Variants in KCNN2 observed in about 807,000 individuals in gnomAD.
KCNN2 encodes the protein small conductance calcium-activated potassium channel protein 2.
Under a neutral mutation model 55.5 loss-of-function variants are expected in KCNN2, and 24 were observed. That is an observed-to-expected ratio of 0.43 (90% CI 0.31 to 0.61). The LOEUF (loss-of-function observed/expected upper bound fraction) is 0.61. Among genes scored for constraint, KCNN2 ranks in the 20% least tolerant of loss-of-function variants. KCNN2 has a pLI of 0.08. For synonymous variants in KCNN2, 431 were observed against 336.1 expected (o/e 1.28, Z -3.09); for missense variants, 754 against 853.6 (o/e 0.88, Z 1.45).
chr5:114,162,073 G>T (rs1043394337), intron 1 of KCNN2, among the ~76,000 whole-genome samples: 1 of 152,174 alleles, frequency 6.6e-6, no homozygotes, highest in Non-Finnish European at 1.5e-5. Flanking sequence ...AGGAGGAGGG[G>T]TGCTCTGATT....
chr5:114,217,592 C>A (rs1482098713), intron 1 of KCNN2, among the ~76,000 whole-genome samples: 1 of 151,968 alleles, frequency 6.6e-6, no homozygotes, highest in Non-Finnish European at 1.5e-5. Flanking sequence ...TATGGTTTAC[C>A]TAAATTAACT....
chr5:114,100,279 G>T (rs1041878633), intron 1 of KCNN2, among the ~76,000 whole-genome samples: 1 of 152,054 alleles, frequency 6.6e-6, no homozygotes, highest in Admixed American at 6.6e-5. Flanking sequence ...AAAAATAGTA[G>T]TCCAGGTAGA....
chr5:114,456,256 A>G (rs1760922498), intron 3 of KCNN2, among the ~76,000 whole-genome samples: 2 of 152,200 alleles, frequency 1.3e-5, no homozygotes, highest in African/African-American at 4.8e-5. Context: ...TGAAAAACCT[A>G]GGGCCGTTAA....
chr5:114,221,252 A>G (rs999113331), intron 1 of KCNN2, among the ~76,000 whole-genome samples: 4 of 152,228 alleles, frequency 2.6e-5, no homozygotes, highest in African/African-American at 7.2e-5. Flanking sequence ...CCCTAGGTGC[A>G]AAGTGATAGA....
chr5:114,169,622 G>A (rs1022275390), intron 1 of KCNN2, among the ~76,000 whole-genome samples: 1 of 152,090 alleles, frequency 6.6e-6, no homozygotes, highest in African/African-American at 2.4e-5. Flanking sequence ...TTAATGTACT[G>A]TAACCTCTTG....
At chr5:114,232,984 G>A (rs1015683947) in intron 2 of KCNN2, among the ~76,000 whole-genome samples, 3 of 126,654 alleles carry the variant, frequency 2.4e-5, no homozygotes, top group African/African-American at 9.1e-5. Flanking sequence ...GCAGTGGCGG[G>A]ATCTCGGCTC....
chr5:114,289,011 C>T (rs1007636754), intron 2 of KCNN2, among the ~76,000 whole-genome samples: 1 of 151,988 alleles, frequency 6.6e-6, no homozygotes, highest in Non-Finnish European at 1.5e-5. Context: ...ACCCATCTTG[C>T]GTTAATTTGT....
chr5:114,281,585 A>G (rs1580690236), intron 2 of KCNN2, among the ~76,000 whole-genome samples: 1 of 134,598 alleles, frequency 7.4e-6, no homozygotes, highest in Middle Eastern at 3.8e-3. Context: ...TCTCTTGTCA[A>G]TCTCTGTCTC....
chr5:114,279,950 C>A (rs1452974087), intron 2 of KCNN2, among the ~76,000 whole-genome samples: 6 of 152,202 alleles, frequency 3.9e-5, no homozygotes, highest in Non-Finnish European at 8.8e-5. Flanking sequence ...TCCACATCCT[C>A]TCCAGCACCT....
At chr5:114,419,836 A>T (rs1759422117) in intron 3 of KCNN2, among the ~76,000 whole-genome samples, 1 of 152,184 alleles carries the variant, frequency 6.6e-6, no homozygotes, top group Non-Finnish European at 1.5e-5. Flanking sequence ...GCAAAAGTAA[A>T]AAAAAATAAG....
intron 5 of KCNN2, among the ~76,000 whole-genome samples, chr5:114,473,689 G>T (rs548034572): frequency 6.6e-6 from 1 of 152,118 alleles, no homozygotes; most frequent in Non-Finnish European, 1.5e-5. Context: ...TTGGGCAATC[G>T]CTGTCCAAAT....
intron 3 of KCNN2, among the ~76,000 whole-genome samples, chr5:114,439,125 TA>T (rs1372073318): frequency 1.3e-5 from 2 of 152,278 alleles, no homozygotes; most frequent in Admixed American, 1.3e-4. Context: ...GCGTAACATC[TA>T]GAGGAGCTGG....
chr5:114,241,236 G>T (rs1273263059), intron 2 of KCNN2, among the ~76,000 whole-genome samples: 1 of 151,774 alleles, frequency 6.6e-6, no homozygotes, highest in African/African-American at 2.4e-5. Context: ...AGAACATTAT[G>T]TAATTTAATG....
intron 1 of KCNN2, among the ~76,000 whole-genome samples, chr5:114,098,365 T>C (rs1751305806): frequency 6.6e-6 from 1 of 152,022 alleles, no homozygotes; most frequent in Non-Finnish European, 1.5e-5. Flanking sequence ...CACAGACTGG[T>C]ACCAGTCTGT....
At chr5:114,297,614 C>T (rs1561560801) in intron 2 of KCNN2, among the ~76,000 whole-genome samples, 1 of 151,990 alleles carries the variant, frequency 6.6e-6, no homozygotes, top group Non-Finnish European at 1.5e-5. Flanking sequence ...GAGAATGTAT[C>T]CCTCCAAAAA....
intron 2 of KCNN2, among the ~76,000 whole-genome samples, chr5:114,273,371 G>A (rs774511463): frequency 2.6e-5 from 4 of 151,882 alleles, no homozygotes; most frequent in African/African-American, 9.7e-5. Context: ...GAATCTTTGG[G>A]TATATGCCCA....
intron 1 of KCNN2, among the ~76,000 whole-genome samples, chr5:114,137,633 T>A (rs1294969841): frequency 6.6e-6 from 1 of 152,170 alleles, no homozygotes; most frequent in African/African-American, 2.4e-5. Context: ...AATTCTTATA[T>A]GAGACTTGGA....
At chr5:114,276,768 A>G (rs1383018081) in intron 2 of KCNN2, among the ~76,000 whole-genome samples, 1 of 150,754 alleles carries the variant, frequency 6.6e-6, no homozygotes, top group Non-Finnish European at 1.5e-5. Flanking sequence ...CAGCACACTG[A>G]TGGGTCTTGA....
intron 3 of KCNN2, among the ~76,000 whole-genome samples, chr5:114,455,392 A>T (rs1254107584): frequency 6.6e-6 from 1 of 152,200 alleles, no homozygotes; most frequent in Non-Finnish European, 1.5e-5. Flanking sequence ...CAAGCCCATA[A>T]GAGAAGGCAA....
Sources: allele counts gnomAD v4.1 joint callset (sites outside exome capture counted in the v4.1 genomes callset), GRCh38; gene constraint gnomAD v4.1.1; transcripts MANE v1.5; gene names NCBI Gene and HGNC (gene_info 2026-07-23, HGNC 2026-07-21).